SIK3: variants seen among roughly 807,000 people sequenced by gnomAD.
SIK3 encodes serine/threonine-protein kinase SIK3.
In SIK3, 28 loss-of-function variants were observed where a neutral mutation model predicts 144.2. The ratio of observed to expected loss-of-function variants is 0.19; its 90% CI spans 0.14 to 0.27. SIK3 has a LOEUF of 0.27. Ranked by LOEUF, SIK3 falls within the 10% of genes least tolerant of loss-of-function variation. SIK3 has a pLI of 1.00. For missense variants in SIK3, 1,319 were observed against 1,776.0 expected, an observed-to-expected ratio of 0.74 and a Z score of 4.62; for synonymous variants, 686 against 676.3, an observed-to-expected ratio of 1.01 and a Z score of -0.22.
At chr11:117,018,716 A>ATT (rs1555129224) in intron 1 of SIK3, among the ~76,000 whole-genome samples, 1 of 72,944 alleles carries the variant, frequency 1.4e-5, no homozygotes, top group Non-Finnish European at 2.5e-5. Flanking sequence ...ATTTTATTTT[A>ATT]TTTATTTTTT....
chr11:116,896,198 A>T (rs1399319533), intron 6 of SIK3, 55 bp downstream of exon 6: 1 of 1,597,196 alleles, frequency 6.3e-7, no homozygotes, highest in African/African-American at 1.3e-5. Flanking sequence ...GGGATAACTG[A>T]GTGGGTCTAA....
chr11:116,995,182 G>A (rs1320205156), intron 1 of SIK3, among the ~76,000 whole-genome samples: 2 of 150,718 alleles, frequency 1.3e-5, no homozygotes, highest in Non-Finnish European at 3.0e-5. Context: ...CAGGAGAATC[G>A]CTTGAACCCA....
chr11:116,969,867 G>C (rs907276723), intron 1 of SIK3, among the ~76,000 whole-genome samples: 7 of 152,166 alleles, frequency 4.6e-5, no homozygotes, highest in African/African-American at 1.4e-4. Context: ...GAATGCAGTG[G>C]GTGCTGAGAT....
intron 1 of SIK3, among the ~76,000 whole-genome samples, chr11:116,993,543 C>T (rs941287581): frequency 6.6e-6 from 1 of 152,040 alleles, no homozygotes; most frequent in African/African-American, 2.4e-5. Context: ...TTCTTCCCAT[C>T]CTTCTAATAT....
intron 1 of SIK3, among the ~76,000 whole-genome samples, chr11:117,046,419 TG>T (rs1214396559): frequency 1.3e-5 from 2 of 152,188 alleles, no homozygotes; most frequent in African/African-American, 4.8e-5. Flanking sequence ...ACAAATTTAA[TG>T]GGGGGAAAAA....
intron 15 of SIK3, chr11:116,865,110 T>C (rs1398827034): frequency 6.6e-6 from 1 of 152,214 alleles, no homozygotes; most frequent in Non-Finnish European, 1.5e-5. Flanking sequence ...GAAGGCTGTG[T>C]TGAGAAGCAT....
chr11:117,092,513 A>G (rs900909421), intron 1 of SIK3, among the ~76,000 whole-genome samples: 1 of 152,126 alleles, frequency 6.6e-6, no homozygotes, highest in African/African-American at 2.4e-5. Flanking sequence ...ATTCATTCCT[A>G]TATGAAATTT....
chr11:116,902,611 G>T (rs1945797818), intron 4 of SIK3, among the ~76,000 whole-genome samples: 1 of 152,172 alleles, frequency 6.6e-6, no homozygotes. Context: ...ATAACCAAAT[G>T]CAAGATTTCT....
At chr11:116,950,501 T>A (rs2135366194) in intron 3 of SIK3, among the ~76,000 whole-genome samples, 1 of 152,324 alleles carries the variant, frequency 6.6e-6, no homozygotes. Flanking sequence ...AATCTTTAAC[T>A]GGCACAATGA....
rs1001986373 is a variant in SIK3 at position 116,843,783 on chromosome 11, C to T, written c.*1860G>A. ...CTTTTTAGGGCTTTCTTGGTAAGCC[C>T]CCTTCTGGTGAGTAGTTGGTGACCC... is the stretch of plus-strand genomic sequence containing the variant. On this transcript the variant is annotated 3_prime_UTR_variant, in exon 25 of 25. Coordinates refer to ENST00000445177, the MANE Select transcript of SIK3 (RefSeq NM_001366686.3). 2.0e-5 allele frequency: 3 copies of T among 152,130 alleles called. No homozygotes were observed. The highest frequency in any genetic ancestry group is 7.2e-5 in the African/African-American group (3 of 41,400). 9.4% of individuals were successfully genotyped at this position (152,130 alleles called of 1,614,324 possible). A position where few individuals can be genotyped will look rare whatever the true frequency, so the allele number is the denominator to read the frequency against.
At chr11:117,039,088 C>T (rs569893825) in intron 1 of SIK3, among the ~76,000 whole-genome samples, 12 of 152,070 alleles carry the variant, frequency 7.9e-5, no homozygotes, top group Admixed American at 2.0e-4. Context: ...ATTCACGGAG[C>T]ATCTTTAGAT....
intron 1 of SIK3, among the ~76,000 whole-genome samples, chr11:117,097,180 T>C (rs1452644124): frequency 6.6e-6 from 1 of 152,116 alleles, no homozygotes; most frequent in African/African-American, 2.4e-5. Context: ...CATATATAGC[T>C]TCCTAATTGA....
intron 1 of SIK3, among the ~76,000 whole-genome samples, chr11:117,023,616 A>AT (rs1565568008): frequency 1.7e-4 from 20 of 115,674 alleles, no homozygotes; most frequent in African/African-American, 5.4e-4. Context: ...AAACAAAAAA[A>AT]AAAAAATATA....
intron 23 of SIK3, among the ~76,000 whole-genome samples, chr11:116,847,229 C>T (rs1942043959): frequency 6.6e-6 from 1 of 152,184 alleles, no homozygotes; most frequent in African/African-American, 2.4e-5. Context: ...TGATTGAAGG[C>T]ATATCATCAC....
intron 6 of SIK3, among the ~76,000 whole-genome samples, chr11:116,893,514 C>CAA (rs61637606): frequency 6.8e-6 from 1 of 146,824 alleles, no homozygotes; most frequent in African/African-American, 2.5e-5. Flanking sequence ...CCATCTCTAC[C>CAA]AAAAAAAAAA....
chr11:116,888,415 C>T (rs1024929140), intron 6 of SIK3, among the ~76,000 whole-genome samples: 9 of 152,198 alleles, frequency 5.9e-5, no homozygotes, highest in Admixed American at 4.6e-4. Flanking sequence ...CCCAGAAACA[C>T]GAGGCGTAAG....
At chr11:117,074,874 T>G (rs1057126637) in intron 1 of SIK3, among the ~76,000 whole-genome samples, 1 of 149,218 alleles carries the variant, frequency 6.7e-6, no homozygotes, top group African/African-American at 2.5e-5. Context: ...TTGCAGTGAG[T>G]CAAGATCGCG....
intron 3 of SIK3, among the ~76,000 whole-genome samples, chr11:116,941,068 G>A (rs1948272203): frequency 6.6e-6 from 1 of 151,952 alleles, no homozygotes; most frequent in Non-Finnish European, 1.5e-5. Context: ...GTGCAGTGGC[G>A]CAATCTCGGC....
intron 11 of SIK3, 122 bp downstream of exon 11, chr11:116,875,036 G>A (rs1944174345): frequency 4.3e-6 from 3 of 696,872 alleles, no homozygotes; most frequent in Admixed American, 5.0e-5. Context: ...TGTCCACTTG[G>A]CCACTGGATT....
Sources: allele counts gnomAD v4.1 joint callset (sites outside exome capture counted in the v4.1 genomes callset), GRCh38; gene constraint gnomAD v4.1.1; transcripts MANE v1.5; gene names NCBI Gene and HGNC (gene_info 2026-07-23, HGNC 2026-07-21).